The following PLXND1 variants were observed in gnomAD, a reference collection of about 807,000 sequenced individuals.
The protein encoded by PLXND1 is plexin-D1.
Under a neutral mutation model 197.7 loss-of-function variants are expected in PLXND1, and 54 were observed. The ratio of observed to expected loss-of-function variants is 0.27; its 90% CI spans 0.22 to 0.34. The LOEUF (loss-of-function observed/expected upper bound fraction) is 0.34. PLXND1 is among the 10% of genes least tolerant of loss of function. The pLI, the probability that PLXND1 is intolerant of heterozygous loss-of-function variation, is 1.00. For missense variants in PLXND1, 2,127 were observed against 2,699.2 expected (o/e 0.79, Z 4.70); for synonymous variants, 1,180 against 1,161.2 (o/e 1.02, Z -0.33).
rs1363757320 is a variant in PLXND1 at position 129,560,376 on chromosome 3, T to C, written c.5087A>G (p.Lys1696Arg). The C allele has an allele frequency of 1.1e-5, 18 of 1,613,944 alleles. No individual in the cohort carries two copies. The highest frequency in any genetic ancestry group is 1.4e-5 in the Non-Finnish European group (17 of 1,179,950). The stretch of plus-strand genomic sequence containing the variant: ...CAGGTAGATTTCCGGGAGCACCTTC[T>C]TGCGATGGCTCTGCCGGTGAGACTT... ...PKKSHRQSHR[K>R]KVLPEIYLTR... The change falls in exon 31 of 36, where the codon AAG (lysine) becomes AGG (arginine). Residue 1696 changes from lysine to arginine, a missense_variant. By Grantham distance (26) the Lys-to-Arg change is conservative. Transcript: ENST00000324093.
Position 129,585,942 on chromosome 3 carries a change from C to T in PLXND1, c.1851+10G>A, listed in dbSNP as rs1329056978. On this transcript the variant is annotated intron_variant, in intron 5 of 35. Coordinates refer to ENST00000324093, the MANE Select transcript of PLXND1 (RefSeq NM_015103.3). ...GTCCCGAGCTGGGTCTTGCCTCCCC[C>T]AGGACTCACTGGGTACTCCTGGCGC... is the stretch of plus-strand genomic sequence containing the variant. 5.6e-6 allele frequency: 9 copies of T among 1,613,800 alleles called. No homozygotes were observed. Among genetic ancestry groups the T allele is most frequent in the Middle Eastern group, 3.3e-4 (2 of 6,084 alleles).
chr3:129,567,905 G>C (rs2085166363), intron 20 of PLXND1, 100 bp from the exon 21 acceptor site: 3 of 455,862 alleles, frequency 6.6e-6, no homozygotes, highest in Non-Finnish European at 1.2e-5. Context: ...CCTCTGGGCA[G>C]GGTGTGGGAG....
chr3:129,572,512 G>A, intron 15 of PLXND1, 97 bp downstream of exon 15: 1 of 1,117,788 alleles, frequency 8.9e-7, no homozygotes, highest in Non-Finnish European at 1.2e-6. Flanking sequence ...GAAGACCCAA[G>A]AGAGGCTTGG....
At chr3:129,599,588 G>A (rs1483949454) in intron 1 of PLXND1, among the ~76,000 whole-genome samples, 1 of 152,198 alleles carries the variant, frequency 6.6e-6, no homozygotes, top group African/African-American at 2.4e-5. Context: ...AAAGGGCCAT[G>A]GGCTCACTCC....
At chr3:129,571,943 G>GAACCCCA in intron 15 of PLXND1, 99 bp from the exon 16 acceptor site, 1 of 1,125,782 alleles carries the variant, frequency 8.9e-7, no homozygotes, top group Non-Finnish European at 1.3e-6. Context: ...CACTTGGCCT[G>GAACCCCA]GGGTTCAAGG....
chr3:129,559,824 G>A (rs775170064), intron 31 of PLXND1, 41 bp from the exon 32 acceptor site: 8 of 1,533,768 alleles, frequency 5.2e-6, no homozygotes, highest in Admixed American at 3.7e-5. Flanking sequence ...CCCGGGCCAC[G>A]TGCAGAGGGC....
Position 129,557,152 on chromosome 3 carries a change from G to A in PLXND1, c.5517C>T (p.Tyr1839=), listed in dbSNP as rs1041621483. 6.2e-7 allele frequency: 1 copy of A among 1,614,128 alleles called. No individual in the cohort carries two copies. The stretch of plus-strand genomic sequence containing the variant: ...GCGGCGTCATGTCCTGGATCTGCTT[G>A]TAGTAGCGCTGCACGATCTTCCGGT... ...PEYRKIVQRY[Y]KQIQDMTPLS... The change falls in exon 34 of 36, where the codon TAC becomes TAT. Residue 1839 remains tyrosine, a synonymous_variant. Transcript: ENST00000324093. This position sits in a 1 kb window ranked among gnomAD's most constrained non-coding sequence, Gnocchi z 4.8.
chr3:129,565,665 G>T, intron 24 of PLXND1, 127 bp from the exon 25 acceptor site: 3 of 895,784 alleles, frequency 3.3e-6, no homozygotes, highest in Non-Finnish European at 1.7e-6. Flanking sequence ...GGTCCTGCGA[G>T]GGGTGAGTGG....
rs922301923 is a variant in PLXND1 at position 129,555,422 on chromosome 3, G to T, written c.*890C>A. The T allele has an allele frequency of 4.6e-6, 3 of 651,768 alleles. No individual in the cohort carries two copies. Among genetic ancestry groups the T allele is most frequent in the African/African-American group, 1.9e-5 (1 of 53,420 alleles). 40.4% of individuals were successfully genotyped at this position (651,768 alleles called of 1,614,324 possible). On this transcript the variant is annotated 3_prime_UTR_variant, in exon 36 of 36. Transcript: ENST00000324093. Reference sequence around the variant, plus strand: ...CAGGGGCGCTCTGCCAGGTCTGCCCGCTCTCTGGAACAGTCATTTCCAGTG... The same window carrying T: ...CAGGGGCGCTCTGCCAGGTCTGCCCTCTCTCTGGAACAGTCATTTCCAGTG...
chr3:129,589,253 G>A (rs13079843), intron 2 of PLXND1, 98 bp downstream of exon 2: 581,531 of 835,540 alleles, frequency 0.7, 210,783 homozygotes, highest in Non-Finnish European at 0.75. Flanking sequence ...GGGTCAGGCT[G>A]GACCTGTAGC....
chr3:129,556,097 A>G lies in PLXND1; in HGVS notation c.*215T>C. 1 of 542,532 alleles carries G rather than the reference A, an allele frequency of 1.8e-6. No individual in the cohort carries two copies. 33.6% of individuals were successfully genotyped at this position (542,532 alleles called of 1,614,324 possible). ...CAGCTCTCTGGCCTCCATCCCAGAG[A>G]CTGATCTGGGGACAGGTGGGAGGGG... On this transcript the variant is annotated 3_prime_UTR_variant, in exon 36 of 36. Transcript: ENST00000324093.
chr3:129,589,249 G>A, intron 2 of PLXND1, 102 bp downstream of exon 2: 2 of 926,286 alleles, frequency 2.2e-6, no homozygotes, highest in Non-Finnish European at 3.3e-6. Flanking sequence ...CAAAGGGTCA[G>A]GCTGGACCTG....
At chr3:129,587,408 G>A (rs2085477719) in intron 2 of PLXND1, among the ~76,000 whole-genome samples, 1 of 152,178 alleles carries the variant, frequency 6.6e-6, no homozygotes, top group African/African-American at 2.4e-5. Context: ...GATTATCTGG[G>A]GCCTGGAAGC....
chr3:129,565,662 C>G (rs904798008), intron 24 of PLXND1, 124 bp from the exon 25 acceptor site: 1 of 936,594 alleles, frequency 1.1e-6, no homozygotes, highest in Non-Finnish European at 1.6e-6. Context: ...GTGGGTCCTG[C>G]GAGGGGTGAG....
In PLXND1 at chr3:129,586,252, G is replaced by A. The variant is rs371402946; in HGVS notation, c.1641C>T (p.Ala547=). 54 of 1,584,896 alleles carry A rather than the reference G, an allele frequency of 3.4e-5. 1 individual carries two copies. The highest frequency in any genetic ancestry group is 2.0e-4 in the South Asian group (18 of 88,726). Reference sequence around the variant, plus strand: ...CACAGGTGGAGTGCACGTTGCAGGCGGCGACCTTCACCCTGGCCATCTGGG... The same window carrying A: ...CACAGGTGGAGTGCACGTTGCAGGCAGCGACCTTCACCCTGGCCATCTGGG... The part of the protein sequence containing the change: ...TSHQMARVKV[A]ACNVHSTCGD... Residue 547 remains alanine (A), a synonymous_variant, in exon 4 of 36, where the codon GCC becomes GCT. Coordinates refer to ENST00000324093, the MANE Select transcript of PLXND1 (RefSeq NM_015103.3).
chr3:129,582,361 C>A (rs1240172158), intron 8 of PLXND1, among the ~76,000 whole-genome samples: 1 of 152,242 alleles, frequency 6.6e-6, no homozygotes, highest in Non-Finnish European at 1.5e-5. Context: ...GCTGCTTCCC[C>A]GGGATGTGTG....
chr3:129,571,721 C>T lies in PLXND1; in HGVS notation c.3201G>A (p.Gln1067=). 6.2e-7 allele frequency: 1 copy of T among 1,613,784 alleles called. No individual in the cohort carries two copies. Among genetic ancestry groups the T allele is most frequent in the Non-Finnish European group, 8.5e-7 (1 of 1,179,968 alleles). The change falls in exon 16 of 36, where the codon CAG becomes CAA. Residue 1067 remains glutamine (Q), a synonymous_variant. Coordinates refer to ENST00000324093, the MANE Select transcript of PLXND1 (RefSeq NM_015103.3). ...GACTGATGGCCGTGATGACCGGGTT[C>T]TGCATGTACCAGAAGGTGAGGTTGC... is the stretch of plus-strand genomic sequence containing the variant. ...VHGNLTFWYM[Q]NPVITAISPR...
In PLXND1 at chr3:129,584,179, G is replaced by A. The variant is rs937819113; in HGVS notation, c.2084C>T (p.Ala695Val). 1.3e-6 allele frequency: 2 copies of A among 1,581,868 alleles called. No homozygotes were observed. Among genetic ancestry groups the A allele is most frequent in the Non-Finnish European group, 1.7e-6 (2 of 1,162,434 alleles). ...VRVNGRNIVKANFTIYDCSRT... is the reference protein window; with the variant it reads ...VRVNGRNIVKVNFTIYDCSRT... ...GCTGCAGTCGTAGATGGTGAAATTG[G>A]CCTTGACGATGTTCCGCCCATTGAC... Residue 695 changes from alanine (A) to valine (V), a missense_variant, in exon 7 of 36, where the codon GCC (alanine) becomes GTC (valine). Transcript: ENST00000324093.
intron 8 of PLXND1, among the ~76,000 whole-genome samples, chr3:129,582,246 C>T (rs2085397678): frequency 1.3e-5 from 2 of 152,258 alleles, no homozygotes; most frequent in Non-Finnish European, 2.9e-5. Context: ...CCATGGGGCC[C>T]CCTCCTTAGC....
Sources: allele counts gnomAD v4.1 joint callset (sites outside exome capture counted in the v4.1 genomes callset), GRCh38; gene constraint gnomAD v4.1.1; non-coding constraint Gnocchi (gnomAD v3.1); transcripts MANE v1.5; gene names NCBI Gene and HGNC (gene_info 2026-07-23, HGNC 2026-07-21).